Variants in NAALADL2 observed in about 807,000 individuals in gnomAD.
The protein encoded by NAALADL2 is N-acetylated alpha-linked acidic dipeptidase like 2.
Under a neutral mutation model 87.2 loss-of-function variants are expected in NAALADL2, and 76 were observed. That is an observed-to-expected ratio of 0.87 (90% CI 0.72 to 1.05). The LOEUF is 1.05. Among genes scored for constraint, NAALADL2 ranks in the 50% least tolerant of loss-of-function variants. The pLI is 0.00. For synonymous variants in NAALADL2, 354 were observed against 331.0 expected, an observed-to-expected ratio of 1.07 and a Z score of -0.75; for missense variants, 1,089 against 945.8, an observed-to-expected ratio of 1.15 and a Z score of -1.99.
intron 2 of NAALADL2, among the ~76,000 whole-genome samples, chr3:174,601,154 C>T (rs1718420772): frequency 6.6e-6 from 1 of 151,956 alleles, no homozygotes; most frequent in Admixed American, 6.6e-5. Context: ...GAGTATATAC[C>T]TAGGAGTGAG....
At chr3:174,702,615 G>T (rs994743418) in intron 2 of NAALADL2, among the ~76,000 whole-genome samples, 1 of 152,202 alleles carries the variant, frequency 6.6e-6, no homozygotes, top group Non-Finnish European at 1.5e-5. Flanking sequence ...CTACTACACA[G>T]CTAGGCTATG....
At chr3:175,738,600 T>A (rs1417239411) in intron 12 of NAALADL2, among the ~76,000 whole-genome samples, 1 of 152,166 alleles carries the variant, frequency 6.6e-6, no homozygotes, top group East Asian at 1.9e-4. Flanking sequence ...TAGAGATTAC[T>A]CCATTTTTCC....
At position 175,448,613 on chromosome 3, in the gene NAALADL2, C is replaced by G. The variant is rs545088159; in HGVS notation, c.1234+1241C>G. ...CTGGAAGCCTCTATGTCTGCAGCTA[C>G]AAAAAATAGCTACAACTTTATCATC... On this transcript the variant is annotated intron_variant, in intron 6 of 13. Coordinates refer to ENST00000454872, the MANE Select transcript of NAALADL2 (RefSeq NM_207015.3). Among the ~76,000 whole-genome samples the G allele has an allele frequency of 7.9e-5, 12 of 152,218 alleles. No individual in the cohort carries two copies. In the South Asian group the frequency reaches 2.5e-3, roughly 32 times the overall value.
At chr3:175,560,137 G>T (rs1716033793) in intron 9 of NAALADL2, among the ~76,000 whole-genome samples, 1 of 152,012 alleles carries the variant, frequency 6.6e-6, no homozygotes, top group African/African-American at 2.4e-5. Context: ...GTCTGTTTTT[G>T]AATTTCTTCA....
chr3:175,560,103 T>C (rs1377528483), intron 9 of NAALADL2, among the ~76,000 whole-genome samples: 4 of 152,066 alleles, frequency 2.6e-5, no homozygotes, highest in African/African-American at 9.7e-5. Context: ...TTTATTACAG[T>C]TTTGATGTCT....
intron 11 of NAALADL2, among the ~76,000 whole-genome samples, chr3:175,685,065 A>G (rs576830086): frequency 6.6e-6 from 1 of 152,152 alleles, no homozygotes; most frequent in South Asian, 2.1e-4. Flanking sequence ...GGCATGGTTA[A>G]CTCTTGATAC....
intron 1 of NAALADL2, among the ~76,000 whole-genome samples, chr3:174,921,714 A>T (rs1469357409): frequency 3.3e-5 from 5 of 149,478 alleles, no homozygotes; most frequent in Non-Finnish European, 7.4e-5. Context: ...CTGAGGCAGG[A>T]GAATGGCTTG....
chr3:175,449,394 C>CTTCTT (rs1212551637), intron 6 of NAALADL2, among the ~76,000 whole-genome samples: 5 of 48,558 alleles, frequency 1.0e-4, no homozygotes, highest in South Asian at 9.6e-4. Flanking sequence ...TAATTTTCTT[C>CTTCTT]TTTTTTTTTT....
rs116770214 is a variant in NAALADL2, at chr3:175,570,984, C to T, written c.1654-5057C>T. Among the ~76,000 whole-genome samples, 705 of 151,562 alleles carry T rather than the reference C, an allele frequency of 4.7e-3. 9 individuals carry two copies. Among genetic ancestry groups the T allele is most frequent in the African/African-American group, 0.016 (660 of 41,244 alleles). On this transcript the variant is annotated intron_variant, in intron 9 of 13. Transcript: ENST00000454872. ...TCTTGCTGTTTAAGTAAATAATCAA[C>T]TTAAATTTCCTGTGCATGTAGAGTA...
intron 3 of NAALADL2, chr3:175,242,510 G>A (rs1345940034): frequency 6.6e-6 from 1 of 152,180 alleles, no homozygotes; most frequent in Admixed American, 6.5e-5. Context: ...TAGTTTCACA[G>A]TCTCCAGGAA....
At chr3:175,319,119 T>C (rs1759522064) in intron 4 of NAALADL2, among the ~76,000 whole-genome samples, 1 of 152,250 alleles carries the variant, frequency 6.6e-6, no homozygotes, top group Admixed American at 6.5e-5. Context: ...AGAGTAAGTC[T>C]TAAATGCAGC....
intron 2 of NAALADL2, among the ~76,000 whole-genome samples, chr3:175,216,088 A>G (rs1742473416): frequency 6.6e-6 from 1 of 152,182 alleles, no homozygotes; most frequent in South Asian, 2.1e-4. Context: ...CATGCCAATA[A>G]TCTGTCACAA....
chr3:175,507,079 T>C (rs1730435011), intron 9 of NAALADL2, among the ~76,000 whole-genome samples: 1 of 151,646 alleles, frequency 6.6e-6, no homozygotes, highest in Non-Finnish European at 1.5e-5. Context: ...GACCTATAAA[T>C]GGACAATATT....
At chr3:174,798,293 T>C (rs1210222653) in intron 3 of NAALADL2, among the ~76,000 whole-genome samples, 5 of 152,214 alleles carry the variant, frequency 3.3e-5, no homozygotes. Flanking sequence ...TCATTCTTAA[T>C]TGTTTTAAAA....
intron 2 of NAALADL2, among the ~76,000 whole-genome samples, chr3:174,584,202 G>A (rs1716462444): frequency 6.6e-6 from 1 of 152,026 alleles, no homozygotes; most frequent in Non-Finnish European, 1.5e-5. Flanking sequence ...GTTCATAGAT[G>A]GAAGAATATG....
chr3:174,650,445 A>G (rs554700633), intron 2 of NAALADL2, among the ~76,000 whole-genome samples: 85 of 152,244 alleles, frequency 5.6e-4, no homozygotes, highest in African/African-American at 1.9e-3. Context: ...AGTTTAACCC[A>G]GTATTTCCCT....
chr3:175,424,952 C>T (rs113022817), intron 5 of NAALADL2, among the ~76,000 whole-genome samples: 10 of 152,146 alleles, frequency 6.6e-5, no homozygotes, highest in African/African-American at 1.9e-4. Context: ...GAGACTCTTA[C>T]GTACTATACA....
At chr3:174,636,858 A>G (rs924099000) in intron 2 of NAALADL2, among the ~76,000 whole-genome samples, 1 of 152,222 alleles carries the variant, frequency 6.6e-6, no homozygotes, top group African/African-American at 2.4e-5. Flanking sequence ...TGTCAAAGAC[A>G]TACCTGCATT....
chr3:174,963,713 A>G (rs997383776), intron 1 of NAALADL2, among the ~76,000 whole-genome samples: 13 of 152,138 alleles, frequency 8.5e-5, no homozygotes, highest in Admixed American at 5.9e-4. Context: ...GGCACATATT[A>G]CGAGCTCAAC....
Sources: gnomAD v4.1 joint callset for allele counts (sites outside exome capture counted in the v4.1 genomes callset) on GRCh38, gnomAD v4.1.1 for gene constraint, MANE v1.5 for transcripts, NCBI Gene and HGNC (gene_info 2026-07-23, HGNC 2026-07-21) for gene names.